SORCS3: variants seen among roughly 807,000 people sequenced by gnomAD.
SORCS3 encodes VPS10 domain-containing receptor SorCS3.
A neutral mutation model predicts 146.3 loss-of-function variants in SORCS3; 57 were observed. That is an observed-to-expected ratio of 0.39 (90% CI 0.31 to 0.49). The LOEUF (loss-of-function observed/expected upper bound fraction) is 0.49, where lower values mean the gene tolerates loss of function less well. SORCS3 is among the 20% of genes least tolerant of loss of function. SORCS3 has a pLI of 0.92. For missense variants in SORCS3, 1,341 were observed against 1,575.5 expected, an observed-to-expected ratio of 0.85 and a Z score of 2.52; for synonymous variants, 653 against 618.5, an observed-to-expected ratio of 1.06 and a Z score of -0.83.
At chr10:105,168,168 A>G (rs955481586) in intron 13 of SORCS3, among the ~76,000 whole-genome samples, 1 of 151,862 alleles carries the variant, frequency 6.6e-6, no homozygotes, top group Non-Finnish European at 1.5e-5. Flanking sequence ...GTTAGACTAT[A>G]ATAGATTTAT....
chr10:105,029,829 T>A (rs1374824718), intron 4 of SORCS3, among the ~76,000 whole-genome samples: 1 of 152,206 alleles, frequency 6.6e-6, no homozygotes, highest in East Asian at 1.9e-4. Context: ...ATATCCAAGC[T>A]TCCTCAAGAA....
intron 2 of SORCS3, among the ~76,000 whole-genome samples, chr10:104,907,218 G>T (rs2018915499): frequency 6.6e-6 from 1 of 151,862 alleles, no homozygotes; most frequent in African/African-American, 2.4e-5. Flanking sequence ...CAACAGAGAT[G>T]CAGTGAATTA....
chr10:104,666,314 G>A (rs911033872), intron 1 of SORCS3: 2 of 152,102 alleles, frequency 1.3e-5, no homozygotes, highest in East Asian at 1.9e-4. Flanking sequence ...CATTTCCTCC[G>A]AGTCACAGAG....
At chr10:104,696,702 T>TA (rs2016217529) in intron 1 of SORCS3, among the ~76,000 whole-genome samples, 2 of 85,354 alleles carry the variant, frequency 2.3e-5, no homozygotes, top group African/African-American at 1.0e-4. Flanking sequence ...ATATATTATA[T>TA]ACGTATATAT....
At chr10:104,911,659 A>G (rs1307038987) in intron 2 of SORCS3, among the ~76,000 whole-genome samples, 2 of 152,236 alleles carry the variant, frequency 1.3e-5, no homozygotes, top group African/African-American at 2.4e-5. Context: ...TTAAGATCCC[A>G]TAAGGGACCT....
intron 5 of SORCS3, among the ~76,000 whole-genome samples, chr10:105,080,119 T>C (rs1479736613): frequency 1.3e-5 from 2 of 152,224 alleles, no homozygotes; most frequent in Non-Finnish European, 2.9e-5. Flanking sequence ...TTTCTAGCTC[T>C]TTGAGGAATC....
intron 22 of SORCS3, among the ~76,000 whole-genome samples, chr10:105,252,188 T>G (rs1178633067): frequency 2.0e-5 from 3 of 152,212 alleles, no homozygotes; most frequent in Non-Finnish European, 4.4e-5. Context: ...CTGAAGGGTA[T>G]GAATATTTTT....
chr10:105,263,546 T>C lies in SORCS3; in HGVS notation c.*172T>C. ...GGGAGAAAAGGGCATTCTTAGCTGA[T>C]TGAAATGAGACAAAGGGAATAAATG... On this transcript the variant is annotated 3_prime_UTR_variant, in exon 27 of 27. Transcript: ENST00000369701. 1.6e-6 allele frequency: 1 copy of C among 617,350 alleles called. No individual in the cohort carries two copies. Among genetic ancestry groups the C allele is most frequent in the Admixed American group, 2.8e-5 (1 of 35,606 alleles). The allele number at this position is 617,350 out of a possible 1,614,324, so 38.2% of individuals were successfully genotyped here.
intron 16 of SORCS3, among the ~76,000 whole-genome samples, chr10:105,206,329 A>G (rs2056602243): frequency 6.6e-6 from 1 of 152,242 alleles, no homozygotes; most frequent in African/African-American, 2.4e-5. Flanking sequence ...AATGAAATAA[A>G]AAATGTTATT....
intron 5 of SORCS3, among the ~76,000 whole-genome samples, chr10:105,054,413 A>G (rs970377300): frequency 6.6e-6 from 1 of 151,806 alleles, no homozygotes; most frequent in Admixed American, 6.6e-5. Flanking sequence ...AGATATATAT[A>G]AAAGGCATAA....
At position 104,944,069 on chromosome 10, in the gene SORCS3, T is replaced by C. The variant is rs570032110; in HGVS notation, c.795+28137T>C. On this transcript the variant is annotated intron_variant, in intron 3 of 26. Transcript: ENST00000369701. Reference sequence around the variant, plus strand: ...AAGTGCATGCCACCACACCCAGCTATGTTTGGTTGCTTGATTTATAACAAA... The same window carrying C: ...AAGTGCATGCCACCACACCCAGCTACGTTTGGTTGCTTGATTTATAACAAA... Among the ~76,000 whole-genome samples, 22 of 152,260 alleles carry C rather than the reference T, an allele frequency of 1.4e-4. No homozygotes were observed. In the South Asian group the frequency reaches 4.4e-3, roughly 30 times the overall value.
intron 2 of SORCS3, among the ~76,000 whole-genome samples, chr10:104,871,478 C>T (rs2018518276): frequency 6.6e-6 from 1 of 152,200 alleles, no homozygotes; most frequent in African/African-American, 2.4e-5. Flanking sequence ...TGTGCACCAG[C>T]TCTGGGCGTT....
At chr10:104,706,604 T>C (rs1249733437) in intron 1 of SORCS3, among the ~76,000 whole-genome samples, 2 of 152,188 alleles carry the variant, frequency 1.3e-5, no homozygotes, top group Non-Finnish European at 2.9e-5. Flanking sequence ...GGTTCCACCG[T>C]AGCATATGGG....
At chr10:104,746,344 G>T (rs1247843835) in intron 1 of SORCS3, among the ~76,000 whole-genome samples, 2 of 152,126 alleles carry the variant, frequency 1.3e-5, no homozygotes, top group Non-Finnish European at 2.9e-5. Flanking sequence ...CACCATGTTA[G>T]CCAGGATGGT....
At chr10:104,735,147 G>A (rs1296466478) in intron 1 of SORCS3, among the ~76,000 whole-genome samples, 1 of 152,174 alleles carries the variant, frequency 6.6e-6, no homozygotes, top group East Asian at 1.9e-4. Flanking sequence ...CCTGCCGCTT[G>A]CCTTTCACGT....
At chr10:105,045,411 A>G (rs1003206918) in intron 5 of SORCS3, among the ~76,000 whole-genome samples, 1 of 152,130 alleles carries the variant, frequency 6.6e-6, no homozygotes. Context: ...GTCAAGTGGT[A>G]GTTTTGAATA....
intron 1 of SORCS3, among the ~76,000 whole-genome samples, chr10:104,745,053 G>C (rs922272528): frequency 6.6e-6 from 1 of 152,148 alleles, no homozygotes; most frequent in African/African-American, 2.4e-5. Context: ...GTTATGGTTT[G>C]TTTAAAAAAG....
intron 4 of SORCS3, among the ~76,000 whole-genome samples, chr10:104,979,565 T>TTG (rs60597563): frequency 0.14 from 21,567 of 150,298 alleles, 3,091 homozygotes; most frequent in African/African-American, 0.37. Context: ...GAATTTGTGT[T>TTG]TGTGTGTGTG....
intron 1 of SORCS3, among the ~76,000 whole-genome samples, chr10:104,718,243 C>T (rs188202942): frequency 5.4e-4 from 82 of 152,224 alleles, no homozygotes; most frequent in African/African-American, 1.6e-3. Context: ...GATCAAGGGG[C>T]CCCTACCTGG....
Sources: allele counts gnomAD v4.1 joint callset (sites outside exome capture counted in the v4.1 genomes callset), GRCh38; gene constraint gnomAD v4.1.1; transcripts MANE v1.5; gene names NCBI Gene and HGNC (gene_info 2026-07-23, HGNC 2026-07-21).